The following LYST variants were observed in gnomAD, a reference collection of about 807,000 sequenced individuals.
LYST encodes lysosomal-trafficking regulator.
In LYST, 192 loss-of-function variants were observed where a neutral mutation model predicts 413.6. The ratio of observed to expected loss-of-function variants is 0.46; its 90% CI spans 0.41 to 0.52. The LOEUF is 0.52. LYST is among the 20% of genes least tolerant of loss of function. The pLI is 0.00. For missense variants in LYST, 3,815 were observed against 4,499.9 expected, an observed-to-expected ratio of 0.85 and a Z score of 4.35; for synonymous variants, 1,525 against 1,567.3, an observed-to-expected ratio of 0.97 and a Z score of 0.64.
intron 3 of LYST, chr1:235,828,204 A>G (rs1343994669): frequency 1.1e-6 from 1 of 933,840 alleles, no homozygotes; most frequent in Non-Finnish European, 1.3e-6. Flanking sequence ...ATTTCATGAC[A>G]TAAAAGAGAA....
chr1:235,815,058 C>A (rs1359450049), intron 3 of LYST, among the ~76,000 whole-genome samples: 1 of 152,204 alleles, frequency 6.6e-6, no homozygotes, highest in Non-Finnish European at 1.5e-5. Flanking sequence ...GGGGAGACTT[C>A]TCTAACACCC....
Position 235,733,823 on chromosome 1 carries a change from A to G in LYST, c.8612+7T>C. The G allele has an allele frequency of 1.9e-6, 3 of 1,582,104 alleles. No individual in the cohort carries two copies. The highest frequency in any genetic ancestry group is 2.6e-6 in the Non-Finnish European group (3 of 1,150,932). The stretch of plus-strand genomic sequence containing the variant: ...AATACATGCCTTTGGAACATATAAA[A>G]TCTTACCTTTGTTGATTATTGTTAA... On this transcript the variant is annotated splice_region_variant and intron_variant, in intron 33 of 52. Coordinates refer to ENST00000389793, the MANE Select transcript of LYST (RefSeq NM_000081.4).
At chr1:235,802,787 G>A in intron 8 of LYST, 121 bp downstream of exon 8, 2 of 857,066 alleles carry the variant, frequency 2.3e-6, no homozygotes, top group South Asian at 1.4e-5. Context: ...AAAAGATTAT[G>A]CAACACACTT....
intron 7 of LYST, among the ~76,000 whole-genome samples, chr1:235,803,771 C>A (rs12090460): frequency 6.6e-6 from 1 of 151,942 alleles, no homozygotes; most frequent in Non-Finnish European, 1.5e-5. Flanking sequence ...ATATGATGAA[C>A]GTATTCATAG....
At chr1:235,835,529 T>C (rs543240888) in intron 1 of LYST, among the ~76,000 whole-genome samples, 1 of 152,362 alleles carries the variant, frequency 6.6e-6, no homozygotes, top group South Asian at 2.1e-4. Context: ...TAAACTGGCA[T>C]GGCTTCTTTA....
Position 235,780,074 on chromosome 1 carries a change from C to T in LYST, c.5214+791G>A, listed in dbSNP as rs190911004. On this transcript the variant is annotated intron_variant, in intron 16 of 52. Coordinates refer to ENST00000389793, the MANE Select transcript of LYST (RefSeq NM_000081.4). ...TCTCATATAAGCAGAATTAGCAATA[C>T]TTTGAAAGCAAAATTCCTAATTTTA... Among the ~76,000 whole-genome samples the T allele has an allele frequency of 5.7e-4, 86 of 152,170 alleles. No individual in the cohort carries two copies. In the Middle Eastern group the frequency reaches 0.01, roughly 18 times the overall value.
chr1:235,786,358 C>A (rs914867714), intron 14 of LYST, among the ~76,000 whole-genome samples: 2 of 152,140 alleles, frequency 1.3e-5, no homozygotes, highest in African/African-American at 2.4e-5. Flanking sequence ...GATACCATCT[C>A]ACACCAGTTA....
At chr1:235,709,385 T>C in intron 43 of LYST, 77 bp from the exon 44 acceptor site, 1 of 1,167,992 alleles carries the variant, frequency 8.6e-7, no homozygotes, top group South Asian at 1.3e-5. Context: ...GTCTTAAGAG[T>C]TCACAAAAAT....
intron 31 of LYST, chr1:235,737,205 A>G (rs529790603): frequency 2.6e-5 from 4 of 152,342 alleles, no homozygotes; most frequent in Admixed American, 2.6e-4. Context: ...TGCACTCAGC[A>G]GGATTGTTAT....
At chr1:235,882,450 A>G (rs914644568) in intron 1 of LYST, among the ~76,000 whole-genome samples, 1 of 152,198 alleles carries the variant, frequency 6.6e-6, no homozygotes, top group Admixed American at 6.5e-5. Flanking sequence ...AGCTGGATAT[A>G]TGCCCAAGCT....
At chr1:235,672,246 G>T (rs760697809) in intron 50 of LYST, among the ~76,000 whole-genome samples, 2 of 152,082 alleles carry the variant, frequency 1.3e-5, no homozygotes, top group African/African-American at 2.4e-5. Flanking sequence ...ATTTGGAACT[G>T]GAAAAATAAA....
At position 235,697,140 on chromosome 1, in the gene LYST, C is replaced by T. The variant is rs1435892982; in HGVS notation, c.10507G>A (p.Ala3503Thr). 1 of 1,614,186 alleles carries T rather than the reference C, an allele frequency of 6.2e-7. No homozygotes were observed. Among genetic ancestry groups the T allele is most frequent in the Non-Finnish European group, 8.5e-7 (1 of 1,180,010 alleles). The change falls in exon 46 of 53, where the codon GCA (alanine) becomes ACA (threonine). Residue 3503 changes from alanine (A) to threonine (T), a missense_variant. Coordinates refer to ENST00000389793, the MANE Select transcript of LYST (RefSeq NM_000081.4). The stretch of plus-strand genomic sequence containing the variant: ...AAATTCCGTGACAAACCACAGATTG[C>T]TCTGGTGGGCAGAGCCTGGAGAGAG... ...FGSLQALPTR[A>T]ICGLSRNFCL...
rs35849101 is a variant in LYST, at chr1:235,688,984, AAATAATAAT to A, written c.10702-1946_10702-1938del. On this transcript the variant is annotated intron_variant, in intron 47 of 52. Coordinates refer to ENST00000389793, the MANE Select transcript of LYST (RefSeq NM_000081.4). ...TGGCAACAGAGTGAGACTCCGTCTC[AAATAATAAT>A]AATAATAATAATAATAATAATAATA... 8.8e-3 allele frequency among the ~76,000 whole-genome samples: 1,199 copies of A among 135,902 alleles called. 14 individuals are homozygous for A. The highest frequency in any genetic ancestry group is 0.027 in the African/African-American group (958 of 35,856). The allele number at this position is 135,902 out of a possible 152,430, so 89.2% of individuals were successfully genotyped here. A position where few individuals can be genotyped will look rare whatever the true frequency, so the allele number is the denominator to read the frequency against.
Position 235,808,331 on chromosome 1 carries a change from T to G in LYST, c.2363+124A>C, listed in dbSNP as rs113699500. 0.01 allele frequency: 8,143 copies of G among 778,674 alleles called. 53 individuals are homozygous for G. Among genetic ancestry groups the G allele is most frequent in the Non-Finnish European group, 0.014 (6,952 of 482,284 alleles). The allele number at this position is 778,674 out of a possible 1,614,324, so 48.2% of individuals were successfully genotyped here. On this transcript the variant is annotated intron_variant, in intron 5 of 52. Transcript: ENST00000389793. ...TACGATCACACTGCTGCCAAAGCCC[T>G]GGAGATATCAGTGTTAGAAGTTTAA...
intron 19 of LYST, among the ~76,000 whole-genome samples, chr1:235,772,097 C>T (rs150916533): frequency 1.0e-3 from 153 of 151,880 alleles, no homozygotes; most frequent in African/African-American, 3.6e-3. Flanking sequence ...TGGTGGTGCA[C>T]ACATGTAGTC....
intron 5 of LYST, among the ~76,000 whole-genome samples, chr1:235,808,183 A>G (rs1354056596): frequency 6.6e-6 from 1 of 152,196 alleles, no homozygotes; most frequent in South Asian, 2.1e-4. Context: ...CCTCTTCTCT[A>G]TAAACAGCTC....
At chr1:235,773,736 C>G in intron 19 of LYST, 106 bp downstream of exon 19, 1 of 843,988 alleles carries the variant, frequency 1.2e-6, no homozygotes, top group Non-Finnish European at 2.0e-6. Context: ...ACTGTAAATG[C>G]ACTTAATGCC....
At chr1:235,754,553 T>G (rs948998830) in intron 25 of LYST, among the ~76,000 whole-genome samples, 5 of 152,140 alleles carry the variant, frequency 3.3e-5, no homozygotes, top group African/African-American at 1.2e-4. Flanking sequence ...AATCTTCTCA[T>G]GTTAATACTA....
intron 38 of LYST, 24 bp from the exon 39 acceptor site, chr1:235,724,204 A>G (rs540230931): frequency 3.5e-5 from 56 of 1,592,756 alleles, no homozygotes; most frequent in Non-Finnish European, 4.5e-5. Context: ...ATAGGCAAAA[A>G]TATTTGTTTT....
Sources: gnomAD v4.1 joint callset for allele counts (sites outside exome capture counted in the v4.1 genomes callset) on GRCh38, gnomAD v4.1.1 for gene constraint, MANE v1.5 for transcripts, NCBI Gene and HGNC (gene_info 2026-07-23, HGNC 2026-07-21) for gene names.